SPATA6: variants seen among roughly 807,000 people sequenced by gnomAD.
SPATA6 encodes the protein spermatogenesis associated 6, also known as spermatogenesis-associated protein 6.
SPATA6 carries 56 observed loss-of-function variants against 65.3 expected under a neutral mutation model. The observed-to-expected ratio is 0.86, with a 90% confidence interval of 0.69 to 1.07. The LOEUF (loss-of-function observed/expected upper bound fraction) is 1.07. Among genes scored for constraint, SPATA6 ranks in the 50% least tolerant of loss-of-function variants. SPATA6 has a pLI of 0.00. For missense variants in SPATA6, 590 were observed against 594.8 expected, an observed-to-expected ratio of 0.99 and a Z score of 0.08; for synonymous variants, 199 against 213.2, an observed-to-expected ratio of 0.93 and a Z score of 0.58.
At chr1:48,299,407 G>A (rs1308488261) in intron 12 of SPATA6, among the ~76,000 whole-genome samples, 1 of 149,510 alleles carries the variant, frequency 6.7e-6, no homozygotes, top group South Asian at 2.1e-4. Context: ...CCAGCTACTC[G>A]GGAGGCTGAG....
At chr1:48,461,943 C>T (rs1376358353) in intron 1 of SPATA6, among the ~76,000 whole-genome samples, 1 of 152,174 alleles carries the variant, frequency 6.6e-6, no homozygotes, top group Non-Finnish European at 1.5e-5. Context: ...TGGAACCAAC[C>T]CAAATGTCCA....
At chr1:48,319,783 A>G (rs1404209300) in intron 11 of SPATA6, among the ~76,000 whole-genome samples, 1 of 152,142 alleles carries the variant, frequency 6.6e-6, no homozygotes, top group East Asian at 1.9e-4. Flanking sequence ...GGCACTGCTC[A>G]AGCCCAGGTG....
chr1:48,423,035 A>T lies in SPATA6; in HGVS notation c.239-9884T>A, dbSNP rs922330958. Reference sequence around the variant, plus strand: ...AAAGAATGAACTACTGGGACATAACAACATAGATAATTCTAACAGACACTA... The same window carrying T: ...AAAGAATGAACTACTGGGACATAACTACATAGATAATTCTAACAGACACTA... On this transcript the variant is annotated intron_variant, in intron 3 of 12. Transcript: ENST00000371847. 6.6e-5 allele frequency among the ~76,000 whole-genome samples: 10 copies of T among 152,222 alleles called. 1 individual carries two copies. The highest frequency in any genetic ancestry group is 2.4e-4 in the African/African-American group (10 of 41,466).
At chr1:48,340,316 A>AC (rs1018714060) in intron 11 of SPATA6, among the ~76,000 whole-genome samples, 2 of 150,966 alleles carry the variant, frequency 1.3e-5, no homozygotes, top group African/African-American at 4.8e-5. Flanking sequence ...TAAAATGGAA[A>AC]CAGAATCCAA....
chr1:48,362,456 T>G (rs1451257385), intron 9 of SPATA6, among the ~76,000 whole-genome samples: 2 of 152,172 alleles, frequency 1.3e-5, no homozygotes, highest in Admixed American at 6.6e-5. Context: ...TCAGCATTGC[T>G]TTATATAAAG....
intron 11 of SPATA6, among the ~76,000 whole-genome samples, chr1:48,327,158 A>G (rs942732077): frequency 6.6e-6 from 1 of 152,200 alleles, no homozygotes; most frequent in Admixed American, 6.5e-5. Flanking sequence ...CACTAAAAAA[A>G]GAAAAACCAA....
chr1:48,429,211 C>A (rs1199851215), intron 3 of SPATA6, among the ~76,000 whole-genome samples: 1 of 152,002 alleles, frequency 6.6e-6, no homozygotes, highest in East Asian at 1.9e-4. Context: ...AGATAAAGAG[C>A]CTTATGGCCA....
At chr1:48,374,931 T>G (rs1279629273) in intron 9 of SPATA6, among the ~76,000 whole-genome samples, 1 of 152,198 alleles carries the variant, frequency 6.6e-6, no homozygotes, top group Admixed American at 6.5e-5. Context: ...GGTAGTGCTC[T>G]CCCATACTGT....
rs554641711 is a variant in SPATA6, at chr1:48,318,125, G to A, written c.1195-12247C>T. 1.1e-4 allele frequency among the ~76,000 whole-genome samples: 17 copies of A among 152,226 alleles called. No individual in the cohort carries two copies. In the South Asian group the frequency reaches 3.3e-3, roughly 30 times the overall value. On this transcript the variant is annotated intron_variant, in intron 11 of 12. Coordinates refer to ENST00000371847, the MANE Select transcript of SPATA6 (RefSeq NM_019073.4). ...AACATTCAACAAACTAGGAGTAGAA[G>A]GAAATTCCTCAAGATGGTAAATGCC...
At chr1:48,438,402 C>T (rs759479783) in intron 3 of SPATA6, among the ~76,000 whole-genome samples, 12 of 152,168 alleles carry the variant, frequency 7.9e-5, no homozygotes, top group Admixed American at 1.3e-4. Context: ...CTAGCGCAGC[C>T]GCCGGACTAA....
At chr1:48,416,034 C>A (rs925745378) in intron 3 of SPATA6, among the ~76,000 whole-genome samples, 2 of 152,112 alleles carry the variant, frequency 1.3e-5, no homozygotes, top group South Asian at 4.1e-4. Context: ...GAAACCCTGT[C>A]TCTACAGAAA....
chr1:48,464,556 A>T (rs959954287), intron 1 of SPATA6, among the ~76,000 whole-genome samples: 1 of 152,250 alleles, frequency 6.6e-6, no homozygotes, highest in African/African-American at 2.4e-5. Context: ...AACAATAGGA[A>T]GAATAAATAG....
chr1:48,385,518 G>T (rs1649373587), intron 8 of SPATA6, among the ~76,000 whole-genome samples, 169 bp from the exon 9 acceptor site: 1 of 152,110 alleles, frequency 6.6e-6, no homozygotes, highest in South Asian at 2.1e-4. Flanking sequence ...GTTAAAATTT[G>T]TATTAGTTCT....
In SPATA6 at chr1:48,330,027, C is replaced by T. The variant is rs575596335; in HGVS notation, c.1195-24149G>A. 8.5e-5 allele frequency among the ~76,000 whole-genome samples: 13 copies of T among 152,320 alleles called. No individual in the cohort carries two copies. In the South Asian group the frequency reaches 2.3e-3, roughly 27 times the overall value. Reference sequence around the variant, plus strand: ...GCAGACCAGCACCAGTACCACAAACCCAATAGAGGCTGCAGTCAGCTACGG... The same window carrying T: ...GCAGACCAGCACCAGTACCACAAACTCAATAGAGGCTGCAGTCAGCTACGG... On this transcript the variant is annotated intron_variant, in intron 11 of 12. Coordinates refer to ENST00000371847, the MANE Select transcript of SPATA6 (RefSeq NM_019073.4).
intron 5 of SPATA6, among the ~76,000 whole-genome samples, chr1:48,406,029 TGC>T (rs1557672212): frequency 1.3e-5 from 2 of 151,964 alleles, no homozygotes; most frequent in African/African-American, 2.4e-5. Flanking sequence ...GCTCCTAAAA[TGC>T]AGTTTCTCAC....
chr1:48,388,349 A>C (rs1557652925), intron 8 of SPATA6, among the ~76,000 whole-genome samples: 1 of 152,174 alleles, frequency 6.6e-6, no homozygotes, highest in Admixed American at 6.5e-5. Flanking sequence ...GTCCCCCCAA[A>C]ACAAAAGCAA....
intron 9 of SPATA6, 133 bp downstream of exon 9, chr1:48,385,176 T>C (rs1480232371): frequency 5.1e-6 from 4 of 784,646 alleles, no homozygotes; most frequent in South Asian, 3.6e-5. Context: ...TAACATTATA[T>C]GACAATTATT....
intron 11 of SPATA6, among the ~76,000 whole-genome samples, chr1:48,344,747 T>G (rs1646315655): frequency 6.6e-6 from 1 of 151,926 alleles, no homozygotes; most frequent in African/African-American, 2.4e-5. Flanking sequence ...AAAACAGACT[T>G]TAAACCAACA....
chr1:48,353,276 A>C (rs995067387), intron 11 of SPATA6, among the ~76,000 whole-genome samples: 4 of 152,022 alleles, frequency 2.6e-5, no homozygotes, highest in African/African-American at 7.2e-5. Context: ...AAATCATAAA[A>C]AATAATGTCA....
Sources: gnomAD v4.1 joint callset for allele counts (sites outside exome capture counted in the v4.1 genomes callset) on GRCh38, gnomAD v4.1.1 for gene constraint, MANE v1.5 for transcripts, NCBI Gene and HGNC (gene_info 2026-07-23, HGNC 2026-07-21) for gene names.